The following MLLT3 variants were observed in gnomAD, a reference collection of about 807,000 sequenced individuals.
MLLT3 encodes protein AF-9.
A neutral mutation model predicts 53.2 loss-of-function variants in MLLT3; 4 were observed. That is an observed-to-expected ratio of 0.08 (90% CI 0.04 to 0.17). MLLT3 has a LOEUF of 0.17. MLLT3 is among the 10% of genes least tolerant of loss of function. The pLI, the probability that MLLT3 is intolerant of heterozygous loss-of-function variation, is 1.00. For missense variants in MLLT3, 569 were observed against 684.0 expected, an observed-to-expected ratio of 0.83 and a Z score of 1.87; for synonymous variants, 283 against 230.6, an observed-to-expected ratio of 1.23 and a Z score of -2.06.
chr9:20,515,237 C>T (rs1386520153), intron 2 of MLLT3, among the ~76,000 whole-genome samples: 1 of 152,084 alleles, frequency 6.6e-6, no homozygotes, highest in African/African-American at 2.4e-5. Context: ...TGAGCCACTG[C>T]GCCAGGCCTC....
chr9:20,446,757 G>A (rs936293804), intron 4 of MLLT3, among the ~76,000 whole-genome samples: 3 of 152,102 alleles, frequency 2.0e-5, no homozygotes, highest in Admixed American at 1.3e-4. Flanking sequence ...ACTATAAAAG[G>A]AGTAAAACAG....
At chr9:20,378,144 T>C (rs1490844116) in intron 5 of MLLT3, among the ~76,000 whole-genome samples, 1 of 151,132 alleles carries the variant, frequency 6.6e-6, no homozygotes, top group African/African-American at 2.5e-5. Flanking sequence ...ATTTTTTGTA[T>C]GTGTTTTCTT....
chr9:20,489,937 G>T (rs910091690), intron 2 of MLLT3, among the ~76,000 whole-genome samples: 7 of 152,116 alleles, frequency 4.6e-5, no homozygotes, highest in African/African-American at 1.4e-4. Context: ...AATAAGGAGA[G>T]AAATTACATT....
intron 10 of MLLT3, 36 bp downstream of exon 10, chr9:20,353,489 T>C (rs2118607074): frequency 1.3e-6 from 2 of 1,587,504 alleles, no homozygotes; most frequent in Non-Finnish European, 1.7e-6. Flanking sequence ...AGTCTTGAAG[T>C]TTCTGGAAAG....
chr9:20,519,497 A>G (rs1037038797), intron 2 of MLLT3, among the ~76,000 whole-genome samples: 6 of 152,206 alleles, frequency 3.9e-5, no homozygotes, highest in Non-Finnish European at 7.4e-5. Context: ...TTTTTTGACT[A>G]TATGATATAC....
rs562559038 is a variant in MLLT3, at chr9:20,472,545, C to T, written c.194-15759G>A. On this transcript the variant is annotated intron_variant, in intron 2 of 10. Coordinates refer to ENST00000380338, the MANE Select transcript of MLLT3 (RefSeq NM_004529.4). ...CTACCACTGGGGGTTGGGCATTAAA[C>T]AAGTGAAGGTGCCAAGTCTTTAGCA... 1.7e-4 allele frequency among the ~76,000 whole-genome samples: 26 copies of T among 152,124 alleles called. 1 individual carries two copies. Among genetic ancestry groups the T allele is most frequent in the South Asian group, 1.7e-3 (8 of 4,824 alleles).
At chr9:20,501,443 C>G (rs1462367395) in intron 2 of MLLT3, among the ~76,000 whole-genome samples, 1 of 152,090 alleles carries the variant, frequency 6.6e-6, no homozygotes, top group Non-Finnish European at 1.5e-5. Flanking sequence ...TCATTAAGAC[C>G]TAGGAGACTC....
At chr9:20,451,538 TTAAG>T (rs913183040) in intron 3 of MLLT3, among the ~76,000 whole-genome samples, 5 of 152,258 alleles carry the variant, frequency 3.3e-5, no homozygotes, top group Admixed American at 3.3e-4. Flanking sequence ...AAGATTTTTT[TTAAG>T]TAAGAAAAAA....
At chr9:20,369,780 G>A (rs1014232529) in intron 5 of MLLT3, among the ~76,000 whole-genome samples, 2 of 152,120 alleles carry the variant, frequency 1.3e-5, no homozygotes, top group African/African-American at 4.8e-5. Flanking sequence ...ATCATCAACA[G>A]GGTTATATGA....
At chr9:20,375,898 G>T (rs181957843) in intron 5 of MLLT3, among the ~76,000 whole-genome samples, 2 of 152,108 alleles carry the variant, frequency 1.3e-5, no homozygotes, top group East Asian at 3.9e-4. Flanking sequence ...CTGAGCCACC[G>T]CGCCCGGACT....
intron 2 of MLLT3, among the ~76,000 whole-genome samples, chr9:20,479,731 A>G (rs1198962547): frequency 6.6e-6 from 1 of 152,238 alleles, no homozygotes; most frequent in Non-Finnish European, 1.5e-5. Flanking sequence ...GTTTTTAAGT[A>G]AAAATATTCT....
intron 2 of MLLT3, among the ~76,000 whole-genome samples, chr9:20,503,789 T>G (rs918320792): frequency 6.6e-6 from 1 of 152,092 alleles, no homozygotes; most frequent in East Asian, 1.9e-4. Context: ...AAAAAATATA[T>G]GCAAACCATG....
chr9:20,421,789 T>C (rs1823014804), intron 4 of MLLT3, among the ~76,000 whole-genome samples: 3 of 152,080 alleles, frequency 2.0e-5, no homozygotes, highest in African/African-American at 4.8e-5. Context: ...TTTAGAAACA[T>C]GTCAAAATAG....
chr9:20,469,301 A>C (rs1462093957), intron 2 of MLLT3, among the ~76,000 whole-genome samples: 1 of 152,180 alleles, frequency 6.6e-6, no homozygotes, highest in East Asian at 1.9e-4. Context: ...TCATGCCTTT[A>C]AAATGGTAAA....
At chr9:20,524,082 G>A (rs995336952) in intron 2 of MLLT3, among the ~76,000 whole-genome samples, 3 of 152,032 alleles carry the variant, frequency 2.0e-5, no homozygotes, top group Admixed American at 2.0e-4. Context: ...TTTTTGGACA[G>A]TGAAACTGCT....
At chr9:20,462,279 A>C (rs1435965817) in intron 2 of MLLT3, among the ~76,000 whole-genome samples, 1 of 152,216 alleles carries the variant, frequency 6.6e-6, no homozygotes, top group African/African-American at 2.4e-5. Context: ...AAAGAACAAA[A>C]TTTTAAAAAG....
At chr9:20,608,344 A>G (rs1173856371) in intron 2 of MLLT3, among the ~76,000 whole-genome samples, 1 of 151,964 alleles carries the variant, frequency 6.6e-6, no homozygotes. Context: ...AGACATGTTA[A>G]TTATCAAAGT....
intron 2 of MLLT3, among the ~76,000 whole-genome samples, chr9:20,575,964 T>A (rs1031052947): frequency 1.1e-4 from 17 of 152,196 alleles, no homozygotes; most frequent in African/African-American, 4.1e-4. Flanking sequence ...CTAGATAACA[T>A]CTTTTTCCAA....
intron 2 of MLLT3, among the ~76,000 whole-genome samples, chr9:20,481,670 G>A (rs977047369): frequency 2.6e-5 from 4 of 152,090 alleles, no homozygotes; most frequent in African/African-American, 7.2e-5. Context: ...GCTCCGTTCC[G>A]CCTACCATGC....
Sources: allele counts gnomAD v4.1 joint callset (sites outside exome capture counted in the v4.1 genomes callset), GRCh38; gene constraint gnomAD v4.1.1; transcripts MANE v1.5; gene names NCBI Gene and HGNC (gene_info 2026-07-23, HGNC 2026-07-21).